The following GPR55 variants were observed in gnomAD, a reference collection of about 807,000 sequenced individuals.
GPR55 encodes G protein-coupled receptor 55.
GPR55 carries 6 observed loss-of-function variants against 7.9 expected under a neutral mutation model. The ratio of observed to expected loss-of-function variants is 0.76; its 90% CI spans 0.41 to 1.49. GPR55 has a LOEUF of 1.49. GPR55 is among the 40% of genes most tolerant of loss of function. The pLI is 0.01. For synonymous variants in GPR55, 183 were observed against 166.8 expected (o/e 1.10, Z -0.75); for missense variants, 376 against 406.0 (o/e 0.93, Z 0.63).
At chr2:230,913,978 T>A (rs1416888079) in intron 1 of GPR55, among the ~76,000 whole-genome samples, 1 of 152,140 alleles carries the variant, frequency 6.6e-6, no homozygotes, top group Non-Finnish European at 1.5e-5. Context: ...TTTGTCTGGG[T>A]CACACTAACC....
At chr2:230,916,751 C>T (rs1406783267) in intron 1 of GPR55, among the ~76,000 whole-genome samples, 1 of 151,602 alleles carries the variant, frequency 6.6e-6, no homozygotes, top group African/African-American at 2.4e-5. Context: ...TCTTGAAAAC[C>T]TTAAAAGCAA....
chr2:230,942,175 G>A (rs13388527), intron 1 of GPR55, among the ~76,000 whole-genome samples: 2,206 of 152,304 alleles, frequency 0.014, 27 homozygotes, highest in Non-Finnish European at 0.025. Flanking sequence ...GCAAGAATAC[G>A]TTCAGAGGGG....
chr2:230,941,999 G>T (rs182035940), intron 1 of GPR55, among the ~76,000 whole-genome samples: 3 of 152,164 alleles, frequency 2.0e-5, no homozygotes, highest in Admixed American at 2.0e-4. Flanking sequence ...GAGTGCAGGG[G>T]AGCCTGATGC....
chr2:230,955,545 G>A (rs1691468203), intron 1 of GPR55, among the ~76,000 whole-genome samples: 3 of 152,188 alleles, frequency 2.0e-5, no homozygotes, highest in African/African-American at 4.8e-5. Context: ...CACATTAGCA[G>A]TATCACTACT....
chr2:230,930,235 C>T (rs575250409), upstream of GPR55, among the ~76,000 whole-genome samples: 132 of 152,246 alleles, frequency 8.7e-4, no homozygotes, highest in African/African-American at 3.1e-3. Flanking sequence ...GATGGTGGAC[C>T]CTTTTGAAAT....
chr2:230,934,532 C>T (rs151103340), intron 1 of GPR55, among the ~76,000 whole-genome samples: 122 of 152,314 alleles, frequency 8.0e-4, no homozygotes, highest in African/African-American at 2.9e-3. Context: ...GGACAGCCAG[C>T]CTGACCCAGC....
rs1286793184 is a variant in GPR55, at chr2:230,923,238, G to A, written c.-135+1930C>T. ...ACTTTCCAGAGAACACAAGCAACAA[G>A]AAGATCACAACCCTAAGGAGGGTTG... On this transcript the variant is annotated intron_variant, in intron 1 of 1. Coordinates refer to ENST00000650999, the MANE Select transcript of GPR55 (RefSeq NM_005683.4). This position sits in a 1 kb window ranked among gnomAD's most constrained non-coding sequence, Gnocchi z 4.1. Among the ~76,000 whole-genome samples, 3 of 152,174 alleles carry A rather than the reference G, an allele frequency of 2.0e-5. No individual in the cohort carries two copies. Among genetic ancestry groups the A allele is most frequent in the Non-Finnish European group, 2.9e-5 (2 of 68,030 alleles).
intron 1 of GPR55, among the ~76,000 whole-genome samples, chr2:230,918,900 T>C (rs1651277069): frequency 6.6e-6 from 1 of 152,184 alleles, no homozygotes; most frequent in South Asian, 2.1e-4. Flanking sequence ...GACAACTTTG[T>C]ATTTAATGGT....
chr2:230,929,957 C>T (rs1212205321), upstream of GPR55: 1 of 152,258 alleles, frequency 6.6e-6, no homozygotes, highest in African/African-American at 2.4e-5. Context: ...CTCCTGAGGC[C>T]CTCCTGAGGT....
At chr2:230,911,449 C>G (rs1690589547) in intron 1 of GPR55, among the ~76,000 whole-genome samples, 1 of 152,198 alleles carries the variant, frequency 6.6e-6, no homozygotes, top group African/African-American at 2.4e-5. Flanking sequence ...TTGTCCTCCT[C>G]CCACCCACTT....
chr2:230,911,828 C>T (rs1359694685), intron 1 of GPR55, among the ~76,000 whole-genome samples: 1 of 152,100 alleles, frequency 6.6e-6, no homozygotes, highest in African/African-American at 2.4e-5. Flanking sequence ...TTAGAAGTGG[C>T]CTCAGGGACG....
At chr2:230,912,329 GC>G (rs1690611729) in intron 1 of GPR55, among the ~76,000 whole-genome samples, 1 of 152,196 alleles carries the variant, frequency 6.6e-6, no homozygotes, top group Non-Finnish European at 1.5e-5. Flanking sequence ...GCTAGCAGGT[GC>G]TGAGATCCCA....
chr2:230,912,227 CT>C (rs1559169794), intron 1 of GPR55, among the ~76,000 whole-genome samples: 1 of 152,182 alleles, frequency 6.6e-6, no homozygotes, highest in African/African-American at 2.4e-5. Context: ...TCCTTAACCA[CT>C]TCGGCAGAAA....
chr2:230,931,946 C>G (rs1008862566), intron 1 of GPR55, among the ~76,000 whole-genome samples: 3 of 152,094 alleles, frequency 2.0e-5, no homozygotes, highest in Admixed American at 6.5e-5. Context: ...CCCCTCACCC[C>G]TTCCCTGGTG....
chr2:230,958,401 T>C (rs1373168311), intron 1 of GPR55, among the ~76,000 whole-genome samples: 1 of 152,222 alleles, frequency 6.6e-6, no homozygotes, highest in Non-Finnish European at 1.5e-5. Context: ...ACATTCCAAT[T>C]ATACTCTTTT....
At chr2:230,947,325 A>G (rs564921746) in intron 1 of GPR55, among the ~76,000 whole-genome samples, 15 of 152,298 alleles carry the variant, frequency 9.8e-5, no homozygotes, top group African/African-American at 2.9e-4. Context: ...GCACCAGCCA[A>G]CTGGGCTCCA....
chr2:230,925,643 C>T (rs1032672465), upstream of GPR55, among the ~76,000 whole-genome samples: 4 of 152,168 alleles, frequency 2.6e-5, no homozygotes, highest in African/African-American at 9.7e-5. Context: ...TCGTGGCTTC[C>T]AGCACTTTGG....
Position 230,910,469 on chromosome 2 carries a change from T to C in GPR55, c.494A>G (p.Lys165Arg). The C allele has an allele frequency of 3.1e-6, 5 of 1,613,992 alleles. No individual in the cohort carries two copies. Among genetic ancestry groups the C allele is most frequent in the Non-Finnish European group, 4.2e-6 (5 of 1,179,916 alleles). Residue 165 changes from lysine to arginine, a missense_variant, in exon 2 of 2, where the codon AAA becomes AGA. By Grantham distance (26) the Lys-to-Arg change is conservative. Transcript: ENST00000650999. This position sits in a 1 kb window ranked among gnomAD's most constrained non-coding sequence, Gnocchi z 5.4. Reference sequence around the variant, plus strand: ...AGACATGTTGTGGAAGCACATGTATTTTTCCACTTTCCCATGGAAACTGTA... The same window carrying C: ...AGACATGTTGTGGAAGCACATGTATCTTTCCACTTTCCCATGGAAACTGTA... ...PIYSFHGKVE[K>R]YMCFHNMSDD...
At chr2:230,914,037 C>G (rs893170209) in intron 1 of GPR55, among the ~76,000 whole-genome samples, 7 of 152,172 alleles carry the variant, frequency 4.6e-5, no homozygotes, top group Non-Finnish European at 8.8e-5. Flanking sequence ...ACTCAGAGGC[C>G]CTTACTGTCA....
Sources: gnomAD v4.1 joint callset for allele counts (sites outside exome capture counted in the v4.1 genomes callset) on GRCh38, gnomAD v4.1.1 for gene constraint, Gnocchi (gnomAD v3.1) non-coding constraint, MANE v1.5 for transcripts, NCBI Gene and HGNC (gene_info 2026-07-23, HGNC 2026-07-21) for gene names.